Variants in NLRP7 observed in about 807,000 individuals in gnomAD.
NLRP7 encodes NLR family pyrin domain containing 7.
Under a neutral mutation model 85.5 loss-of-function variants are expected in NLRP7, and 72 were observed. The ratio of observed to expected loss-of-function variants is 0.84; its 90% CI spans 0.70 to 1.02. NLRP7 has a LOEUF of 1.02. Among genes scored for constraint, NLRP7 ranks in the 50% least tolerant of loss-of-function variants. The pLI, the probability that NLRP7 is intolerant of heterozygous loss-of-function variation, is 0.00. For missense variants in NLRP7, 1,243 were observed against 1,219.5 expected, an observed-to-expected ratio of 1.02 and a Z score of -0.29; for synonymous variants, 550 against 505.2, an observed-to-expected ratio of 1.09 and a Z score of -1.19.
exon 4 of NLRP7, chr19:54,939,177 G>C (rs1176728840): frequency 6.2e-7 from 1 of 1,614,108 alleles, no homozygotes; most frequent in African/African-American, 1.3e-5. Flanking sequence ...AGCAATTCCT[G>C]TTTGATGTCC....
chr19:54,937,090 C>T (rs145899959), intron 5 of NLRP7, among the ~76,000 whole-genome samples: 1 of 144,004 alleles, frequency 6.9e-6, no homozygotes, highest in Non-Finnish European at 1.5e-5. Flanking sequence ...TGGTGGCGGG[C>T]GCCTGTAGTC....
intron 1 of NLRP7, among the ~76,000 whole-genome samples, chr19:54,963,983 C>G (rs977673075): frequency 6.7e-6 from 1 of 148,468 alleles, no homozygotes; most frequent in African/African-American, 2.5e-5. Context: ...TGGGTTCAAG[C>G]AATTCTCTGC....
rs767169506 is a variant in NLRP7, at chr19:54,927,555, C to CA, written c.2810+2943dup. On this transcript the variant is annotated intron_variant, in intron 9 of 9. Coordinates refer to ENST00000340844, the Ensembl canonical transcript of NLRP7. ...TGAATGACAGAGCACGACTCCATCT[C>CA]AAAAAAACAAAAACAAAAAACAAAA... 3.9e-6 allele frequency: 6 copies of CA among 1,545,204 alleles called. No homozygotes were observed. The African/African-American group carries it at 4.8e-5, about 12-fold the overall frequency.
chr19:54,948,578 A>AT (rs113897847), upstream of NLRP7, among the ~76,000 whole-genome samples: 1,396 of 148,236 alleles, frequency 9.4e-3, 18 homozygotes, highest in African/African-American at 0.031. Flanking sequence ...CTGATATTTA[A>AT]TTTTTTTTTT....
At chr19:54,929,699 T>C (rs570613342) in intron 9 of NLRP7, among the ~76,000 whole-genome samples, 3 of 152,264 alleles carry the variant, frequency 2.0e-5, no homozygotes, top group East Asian at 3.9e-4. Context: ...GCCATTGTTA[T>C]ATATATTTCA....
At chr19:54,925,050 T>A (rs912410929) in intron 9 of NLRP7, among the ~76,000 whole-genome samples, 4 of 152,154 alleles carry the variant, frequency 2.6e-5, no homozygotes, top group African/African-American at 9.7e-5. Context: ...GGCTGCAGCA[T>A]GCAAGCCTGT....
intron 1 of NLRP7, 87 bp from the exon 2 acceptor site, chr19:54,941,837 C>T (rs1408437696): frequency 1.0e-6 from 1 of 990,164 alleles, no homozygotes; most frequent in Non-Finnish European, 1.5e-6. Context: ...AAGACTGTTC[C>T]TGCTGTACAG....
intron 1 of NLRP7, among the ~76,000 whole-genome samples, chr19:54,945,110 G>C (rs911081587): frequency 6.6e-6 from 1 of 151,510 alleles, no homozygotes; most frequent in Admixed American, 6.6e-5. Context: ...GGGCATGGTG[G>C]CGGGCGCCTG....
At chr19:54,929,031 G>C (rs569180555) in intron 9 of NLRP7, among the ~76,000 whole-genome samples, 26 of 152,222 alleles carry the variant, frequency 1.7e-4, no homozygotes, top group African/African-American at 6.3e-4. Flanking sequence ...AAGGTATCAC[G>C]GTCTGGCTTG....
chr19:54,938,496 G>GGAA (rs2069043774), intron 4 of NLRP7, among the ~76,000 whole-genome samples: 1 of 152,140 alleles, frequency 6.6e-6, no homozygotes, highest in African/African-American at 2.4e-5. Context: ...GGCCAAAGTG[G>GGAA]GAAGATCACT....
chr19:54,935,711 A>G (rs1378968770), intron 6 of NLRP7, among the ~76,000 whole-genome samples: 2 of 142,396 alleles, frequency 1.4e-5, no homozygotes. Context: ...AAAAAAAAAA[A>G]AGATTCTCAT....
intron 5 of NLRP7, among the ~76,000 whole-genome samples, chr19:54,936,656 T>C (rs2068942344): frequency 6.6e-6 from 1 of 151,552 alleles, no homozygotes; most frequent in African/African-American, 2.4e-5. Flanking sequence ...ACTCCATCTC[T>C]ACAAAAAATA....
chr19:54,943,696 C>T (rs923470131), intron 1 of NLRP7, among the ~76,000 whole-genome samples: 5 of 152,094 alleles, frequency 3.3e-5, no homozygotes, highest in Admixed American at 1.3e-4. Context: ...ACAGCTTTAC[C>T]CTTGGAGGGA....
upstream of NLRP7, among the ~76,000 whole-genome samples, chr19:54,951,418 A>AC (rs1023577033): frequency 3.3e-5 from 5 of 151,992 alleles, no homozygotes; most frequent in African/African-American, 9.6e-5. Flanking sequence ...TGGTAGTTCA[A>AC]CGCCTGTAAT....
In NLRP7 at chr19:54,934,710, T is replaced by C. The variant is rs934063233; in HGVS notation, c.2301-51A>G. 1.4e-6 allele frequency: 2 copies of C among 1,453,618 alleles called. No homozygotes were observed. Among genetic ancestry groups the C allele is most frequent in the Middle Eastern group, 2.5e-4 (1 of 4,050 alleles). The allele number at this position is 1,453,618 out of a possible 1,614,324, so 90.0% of individuals were successfully genotyped here. A position where few individuals can be genotyped will look rare whatever the true frequency, so the allele number is the denominator to read the frequency against. ...TCTTCTGGGAGGACAGAGTATACCC[T>C]ATCAGCTTTTTTTTTTTGAGACAGA... On this transcript the variant is annotated intron_variant, in intron 6 of 9. Coordinates refer to ENST00000340844, the Ensembl canonical transcript of NLRP7. This position sits in a 1 kb window ranked among gnomAD's most constrained non-coding sequence, Gnocchi z 6.7.
chr19:54,954,707 G>A (rs1016399770), intron 1 of NLRP7, among the ~76,000 whole-genome samples: 1 of 151,890 alleles, frequency 6.6e-6, no homozygotes, highest in South Asian at 2.1e-4. Flanking sequence ...TTAGCCAGAC[G>A]TGATGGCAGG....
chr19:54,926,721 G>C (rs2068453520), intron 9 of NLRP7, among the ~76,000 whole-genome samples: 1 of 151,928 alleles, frequency 6.6e-6, no homozygotes, highest in East Asian at 1.9e-4. Flanking sequence ...CTCGAGACCA[G>C]CCTGGCCAAC....
At chr19:54,943,685 G>A (rs976119029) in intron 1 of NLRP7, among the ~76,000 whole-genome samples, 5 of 152,130 alleles carry the variant, frequency 3.3e-5, no homozygotes, top group Non-Finnish European at 7.3e-5. Context: ...GATAGAGGTG[G>A]ACAGCTTTAC....
intron 1 of NLRP7, among the ~76,000 whole-genome samples, chr19:54,946,703 G>T (rs928560347): frequency 4.0e-5 from 6 of 151,264 alleles, no homozygotes; most frequent in African/African-American, 1.5e-4. Context: ...GCAGTGGCGC[G>T]ATCTCAGCTC....
Sources: gnomAD v4.1 joint callset for allele counts (sites outside exome capture counted in the v4.1 genomes callset) on GRCh38, gnomAD v4.1.1 for gene constraint, Gnocchi (gnomAD v3.1) non-coding constraint, MANE v1.5 for transcripts, NCBI Gene and HGNC (gene_info 2026-07-23, HGNC 2026-07-21) for gene names.